Variants in GPBP1 observed in about 807,000 individuals in gnomAD.
GPBP1 encodes the protein vasculin.
GPBP1 carries 13 observed loss-of-function variants against 56.5 expected under a neutral mutation model. The ratio of observed to expected loss-of-function variants is 0.23; its 90% CI spans 0.15 to 0.37. The LOEUF (loss-of-function observed/expected upper bound fraction) is 0.37, where lower values mean the gene tolerates loss of function less well. Ranked by LOEUF, GPBP1 falls within the 10% of genes least tolerant of loss-of-function variation. GPBP1 has a pLI of 1.00. For missense variants in GPBP1, 477 were observed against 572.3 expected (o/e 0.83, Z 1.70); for synonymous variants, 204 against 188.9 (o/e 1.08, Z -0.66).
chr5:57,234,641 A>G (rs774992685), intron 5 of GPBP1, among the ~76,000 whole-genome samples: 1 of 152,216 alleles, frequency 6.6e-6, no homozygotes, highest in Non-Finnish European at 1.5e-5. Flanking sequence ...AAAAGCAGAG[A>G]AGTTTCTCCA....
chr5:57,207,402 CCTTG>C (rs1755277029), intron 2 of GPBP1, among the ~76,000 whole-genome samples: 1 of 151,546 alleles, frequency 6.6e-6, no homozygotes, highest in Admixed American at 6.6e-5. Flanking sequence ...TGGGGGTGTG[CCTTG>C]CTTCTTTGGC....
At chr5:57,227,539 ACACTT>A (rs1289093810) in intron 3 of GPBP1, among the ~76,000 whole-genome samples, 19 of 152,280 alleles carry the variant, frequency 1.2e-4, no homozygotes, top group African/African-American at 4.6e-4. Flanking sequence ...AATCTTGACT[ACACTT>A]TGCATGGGCC....
At chr5:57,229,968 G>GTCCCGTCCCA (rs928682604) in intron 3 of GPBP1, among the ~76,000 whole-genome samples, 3 of 147,486 alleles carry the variant, frequency 2.0e-5, no homozygotes, top group African/African-American at 7.8e-5. Flanking sequence ...GTCCCGTCCC[G>GTCCCGTCCCA]TCCCTTCTCA....
At chr5:57,208,439 C>T (rs143061183) in intron 2 of GPBP1, among the ~76,000 whole-genome samples, 34 of 152,020 alleles carry the variant, frequency 2.2e-4, no homozygotes, top group African/African-American at 7.2e-4. Context: ...CACCATGTTG[C>T]CCAGGCTGGT....
intron 10 of GPBP1, among the ~76,000 whole-genome samples, chr5:57,257,340 T>C (rs1741710559): frequency 6.6e-6 from 1 of 152,182 alleles, no homozygotes; most frequent in South Asian, 2.1e-4. Flanking sequence ...TGGCCAGTGA[T>C]AGGTTTTTTA....
intron 2 of GPBP1, among the ~76,000 whole-genome samples, chr5:57,211,567 T>C (rs1755476783): frequency 1.0e-5 from 1 of 96,664 alleles, no homozygotes; most frequent in Admixed American, 1.0e-4. Context: ...GTGGTTTGCC[T>C]CCGGGGATTT....
intron 8 of GPBP1, 123 bp downstream of exon 8, chr5:57,247,338 T>G (rs1741141413): frequency 1.2e-6 from 1 of 801,550 alleles, no homozygotes; most frequent in Admixed American, 3.6e-5. Context: ...TTCAGAAAAC[T>G]GGATTCATTT....
chr5:57,176,960 A>G (rs1421176739), intron 2 of GPBP1, among the ~76,000 whole-genome samples: 3 of 152,346 alleles, frequency 2.0e-5, no homozygotes, highest in South Asian at 2.1e-4. Context: ...TTAATCCGTT[A>G]TAGAAATTAA....
At chr5:57,228,676 A>T (rs939501934) in intron 3 of GPBP1, among the ~76,000 whole-genome samples, 15 of 151,940 alleles carry the variant, frequency 9.9e-5, no homozygotes, top group Admixed American at 5.9e-4. Context: ...TAAGGAAATT[A>T]AAAAAAATAA....
At chr5:57,222,274 T>C (rs1755986358) in intron 3 of GPBP1, among the ~76,000 whole-genome samples, 1 of 152,172 alleles carries the variant, frequency 6.6e-6, no homozygotes, top group Non-Finnish European at 1.5e-5. Flanking sequence ...TGGTAGACAC[T>C]CTTATCTCCC....
rs952991831 is a variant in GPBP1 at position 57,246,455 on chromosome 5, G to A, written c.634G>A (p.Val212Ile). The change falls in exon 7 of 12, where the codon GTC becomes ATC. Residue 212 changes from valine (V) to isoleucine (I), a missense_variant. Physicochemically the swap from Val to Ile is conservative, Grantham distance 29. Coordinates refer to ENST00000506184, the MANE Select transcript of GPBP1 (RefSeq NM_022913.4). ...GTGPSVYKGL[V>I]PKPAAPPTKP... is the part of the protein sequence containing the mutation. ...TGGTCCAAGTGTTTATAAAGGTTTA[G>A]TCCCTAAACCTGCTGCTCCACCTAC... is the stretch of plus-strand genomic sequence containing the variant. 1 of 1,610,690 alleles carries A rather than the reference G, an allele frequency of 6.2e-7. No homozygotes were observed. The highest frequency in any genetic ancestry group is 8.5e-7 in the Non-Finnish European group (1 of 1,178,766).
At chr5:57,189,562 T>TTCG (rs67149626) in intron 2 of GPBP1, among the ~76,000 whole-genome samples, 1 of 2,674 alleles carries the variant, frequency 3.7e-4, no homozygotes, top group Non-Finnish European at 1.2e-3. Context: ...TCAGCCCACT[T>TTCG]TTTTTCACTT....
intron 10 of GPBP1, among the ~76,000 whole-genome samples, chr5:57,257,114 A>T (rs1283573656): frequency 6.6e-6 from 1 of 150,540 alleles, no homozygotes; most frequent in Non-Finnish European, 1.5e-5. Context: ...GCTCACTGCA[A>T]CCTCCACCTC....
At chr5:57,256,386 A>G (rs1396431696) in intron 10 of GPBP1, among the ~76,000 whole-genome samples, 1 of 147,748 alleles carries the variant, frequency 6.8e-6, no homozygotes, top group East Asian at 1.9e-4. Flanking sequence ...TTATTTTAGT[A>G]TATATGTTTT....
In GPBP1 at chr5:57,230,902, T is replaced by C. The variant is rs757914922; in HGVS notation, c.120T>C (p.Tyr40=). 3.0e-5 allele frequency: 48 copies of C among 1,612,456 alleles called. No individual in the cohort carries two copies. The highest frequency in any genetic ancestry group is 3.7e-5 in the Non-Finnish European group (44 of 1,179,318). ...ACTTTGCATGGACAGAGAATCGTTA[T>C]GATGTGAACCGTCGACGACACAACT... is the stretch of plus-strand genomic sequence containing the variant. ...SENFAWTENR[Y]DVNRRRHNSS... Residue 40 remains tyrosine, a synonymous_variant, in exon 4 of 12, where the codon TAT becomes TAC. Coordinates refer to ENST00000506184, the MANE Select transcript of GPBP1 (RefSeq NM_022913.4).
chr5:57,181,943 C>A (rs1561319439), intron 2 of GPBP1, among the ~76,000 whole-genome samples: 1 of 152,166 alleles, frequency 6.6e-6, no homozygotes, highest in African/African-American at 2.4e-5. Context: ...AACAGATTTG[C>A]TGTATAACCC....
At chr5:57,184,088 C>T (rs531061151) in intron 2 of GPBP1, among the ~76,000 whole-genome samples, 43 of 151,924 alleles carry the variant, frequency 2.8e-4, no homozygotes, top group African/African-American at 8.2e-4. Context: ...AAAAATTAGC[C>T]GGGCGTGGTG....
At chr5:57,229,250 A>G (rs1364411987) in intron 3 of GPBP1, among the ~76,000 whole-genome samples, 3 of 72,854 alleles carry the variant, frequency 4.1e-5, no homozygotes, top group African/African-American at 1.4e-4. Context: ...AAAAAAAAAA[A>G]AAAAAAAAAA....
chr5:57,200,712 C>T (rs1754978585), intron 2 of GPBP1, among the ~76,000 whole-genome samples: 2 of 151,946 alleles, frequency 1.3e-5, no homozygotes, highest in African/African-American at 4.8e-5. Context: ...TTAAGGGATA[C>T]ACTCCGTTGC....
Sources: gnomAD v4.1 joint callset for allele counts (sites outside exome capture counted in the v4.1 genomes callset) on GRCh38, gnomAD v4.1.1 for gene constraint, MANE v1.5 for transcripts, NCBI Gene and HGNC (gene_info 2026-07-23, HGNC 2026-07-21) for gene names.